CENPF: variants seen among roughly 807,000 people sequenced by gnomAD.
CENPF encodes the protein AH antigen.
Under a neutral mutation model 307.3 loss-of-function variants are expected in CENPF, and 214 were observed. That is an observed-to-expected ratio of 0.70 (90% CI 0.62 to 0.78). The LOEUF (loss-of-function observed/expected upper bound fraction) is 0.78. Among genes scored for constraint, CENPF ranks in the 30% least tolerant of loss-of-function variants. The pLI, the probability that CENPF is intolerant of heterozygous loss-of-function variation, is 0.00. For missense variants in CENPF, 3,401 were observed against 3,483.9 expected (o/e 0.98, Z 0.60); for synonymous variants, 1,259 against 1,270.6 (o/e 0.99, Z 0.19).
Position 214,630,679 on chromosome 1 carries a change from T to C in CENPF, c.1323+17T>C. 1.2e-6 allele frequency: 2 copies of C among 1,613,360 alleles called. No individual in the cohort carries two copies. Among genetic ancestry groups the C allele is most frequent in the Non-Finnish European group, 1.7e-6 (2 of 1,179,582 alleles). ...CTGGATAAAGTAGGGGCCGTGTCTCTCTCTCTCTCCTTAATCATCCCCTCT... is the reference window on the plus strand; with the variant it reads ...CTGGATAAAGTAGGGGCCGTGTCTCCCTCTCTCTCCTTAATCATCCCCTCT... On this transcript the variant is annotated intron_variant, in intron 9 of 19. Transcript: ENST00000366955.
chr1:214,615,765 C>T (rs964350226), intron 3 of CENPF, among the ~76,000 whole-genome samples: 1 of 151,986 alleles, frequency 6.6e-6, no homozygotes, highest in African/African-American at 2.4e-5. Context: ...ATGGTGAAAC[C>T]CCCTCTCTAC....
intron 13 of CENPF, chr1:214,647,858 A>C: frequency 5.5e-6 from 2 of 360,998 alleles, no homozygotes; most frequent in South Asian, 4.2e-5. Flanking sequence ...AAAGATACTG[A>C]TAGATTTGTA....
chr1:214,643,215 C>T lies in CENPF; in HGVS notation c.4877C>T (p.Ala1626Val), dbSNP rs756765215. 2.1e-5 allele frequency: 33 copies of T among 1,602,876 alleles called. No individual in the cohort carries two copies. The highest frequency in any genetic ancestry group is 1.7e-4 in the Admixed American group (10 of 57,266). ...VTLEMESKLA[A>V]EKKQTEQLSL... is the part of the protein sequence containing the mutation. ...CTGGAGATGGAGTCCAAGTTGGCGG[C>T]AGAAAAGAAACAGACGGAACAACTG... The change falls in exon 12 of 20, where the codon GCA becomes GTA. Residue 1626 changes from alanine to valine, a missense_variant. Ala to Val is a moderately conservative substitution (Grantham distance 64). Transcript: ENST00000366955.
At chr1:214,628,904 T>C (rs1402702123) in intron 7 of CENPF, 142 bp from the exon 8 acceptor site, 2 of 561,916 alleles carry the variant, frequency 3.6e-6, no homozygotes, top group Admixed American at 3.9e-5. Flanking sequence ...TTAAGTGGGC[T>C]AATGCTTTAC....
At chr1:214,639,892 A>G (rs772872864) in intron 11 of CENPF, 29 bp from the exon 12 acceptor site, 8 of 1,445,304 alleles carry the variant, frequency 5.5e-6, no homozygotes, top group Non-Finnish European at 6.4e-6. Context: ...TATTACAAAC[A>G]TTGACGACTT....
At chr1:214,613,309 C>A in intron 1 of CENPF, 1 of 254,500 alleles carries the variant, frequency 3.9e-6, no homozygotes, top group Non-Finnish European at 7.9e-6. Context: ...AACTATGCCA[C>A]CTCCTACCTT....
At chr1:214,653,270 C>T (rs1658539389) in intron 16 of CENPF, among the ~76,000 whole-genome samples, 1 of 152,166 alleles carries the variant, frequency 6.6e-6, no homozygotes, top group African/African-American at 2.4e-5. Context: ...AGCCACACAG[C>T]AGATGAGGGC....
chr1:214,605,711 C>T (rs1403096955), intron 1 of CENPF: 26 of 1,592,468 alleles, frequency 1.6e-5, no homozygotes, highest in East Asian at 1.1e-4. Context: ...GGAGATGAAG[C>T]GACGCAGGCC....
intron 2 of CENPF, 52 bp downstream of exon 2, chr1:214,613,968 A>G: frequency 1.3e-6 from 2 of 1,482,488 alleles, no homozygotes; most frequent in Non-Finnish European, 1.8e-6. Flanking sequence ...TTGACAGAGA[A>G]GTGCTGGTAT....
rs1316260484 is a variant in CENPF, at chr1:214,644,653, G to A, written c.5083G>A (p.Asp1695Asn). ...AAAGCATGATGTTCATCAGATTTGT[G>A]ATAAAGATGCTCAGCAGGACCTCAA... is the stretch of plus-strand genomic sequence containing the variant. ...TPKHDVHQIC[D>N]KDAQQDLNLD... is the part of the protein sequence containing the mutation. The change falls in exon 13 of 20, where the codon GAT (aspartate) becomes AAT (asparagine). Residue 1695 changes from aspartate (D) to asparagine (N), a missense_variant. Coordinates refer to ENST00000366955, the MANE Select transcript of CENPF (RefSeq NM_016343.4). 1 of 1,613,944 alleles carries A rather than the reference G, an allele frequency of 6.2e-7. No homozygotes were observed. Among genetic ancestry groups the A allele is most frequent in the African/African-American group, 1.3e-5 (1 of 74,920 alleles).
At chr1:214,611,183 C>A (rs972907792) in intron 1 of CENPF, among the ~76,000 whole-genome samples, 19 of 152,036 alleles carry the variant, frequency 1.2e-4, no homozygotes, top group African/African-American at 4.4e-4. Flanking sequence ...GGTTCCATAT[C>A]AATTTTAAAA....
rs750592653 is a variant in CENPF at position 214,613,816 on chromosome 1, A to T, written c.62A>T (p.Gln21Leu). The change falls in exon 2 of 20, where the codon CAA becomes CTA. Residue 21 changes from glutamine to leucine, a missense_variant. Gln to Leu is a moderately radical substitution (Grantham distance 113). Coordinates refer to ENST00000366955, the MANE Select transcript of CENPF (RefSeq NM_016343.4). ...GLPTRALQKI[Q>L]ELEGQLDKLK... ...CCTACAAGAGCTCTTCAGAAAATTC[A>T]AGAGCTTGAAGGACAGCTTGACAAA... 1.2e-6 allele frequency: 2 copies of T among 1,613,756 alleles called. No homozygotes were observed. Among genetic ancestry groups the T allele is most frequent in the African/African-American group, 2.7e-5 (2 of 74,910 alleles).
intron 17 of CENPF, 68 bp from the exon 18 acceptor site, chr1:214,656,865 T>C: frequency 9.6e-7 from 1 of 1,038,044 alleles, no homozygotes; most frequent in Non-Finnish European, 1.4e-6. Context: ...GATTATCTGC[T>C]TCACGATGCC....
rs750398149 is a variant in CENPF, at chr1:214,640,614, A to G, written c.2276A>G (p.Glu759Gly). 1.2e-6 allele frequency: 2 copies of G among 1,614,178 alleles called. No homozygotes were observed. The highest frequency in any genetic ancestry group is 2.2e-5 in the South Asian group (2 of 91,080). ...CGGTGTTACCAAGACTTGCATGCCG[A>G]ATATGAGAGCCTCAGGGATCTGCTA... is the stretch of plus-strand genomic sequence containing the variant. ...KDRCYQDLHA[E>G]YESLRDLLKS... Residue 759 changes from glutamate to glycine, a missense_variant, in exon 12 of 20, where the codon GAA (glutamate) becomes GGA (glycine). Glu to Gly is a moderately conservative substitution (Grantham distance 98). Transcript: ENST00000366955.
At chr1:214,653,728 T>A (rs1314273719) in intron 16 of CENPF, 1 of 152,220 alleles carries the variant, frequency 6.6e-6, no homozygotes, top group Non-Finnish European at 1.5e-5. Flanking sequence ...AGGTACAAAT[T>A]TATTATGTTT....
At chr1:214,630,784 C>T in intron 9 of CENPF, 122 bp downstream of exon 9, 3 of 1,244,018 alleles carry the variant, frequency 2.4e-6, no homozygotes, top group African/African-American at 1.5e-5. Flanking sequence ...TTCACTTTCC[C>T]TATCAAAGTG....
chr1:214,632,223 G>A (rs1427094125), intron 9 of CENPF, among the ~76,000 whole-genome samples: 4 of 151,748 alleles, frequency 2.6e-5, no homozygotes, highest in Non-Finnish European at 4.4e-5. Flanking sequence ...TTTATTTTTT[G>A]TGGTTAAATC....
In CENPF at chr1:214,648,675, G is replaced by A; in HGVS notation, c.7831G>A (p.Val2611Ile). ...ATTCTAATGAAAGATGAAATTTCAG[G>A]TAAACAAAATGACTGCAAAGGAAAC... is the stretch of plus-strand genomic sequence containing the variant. ...KMDKMSFVEK[V>I]NKMTAKETEL... Residue 2611 changes from valine to isoleucine, a missense_variant and splice_region_variant, in exon 14 of 20, where the codon GTA becomes ATA. By Grantham distance (29) the Val-to-Ile change is conservative. Transcript: ENST00000366955. The A allele has an allele frequency of 6.2e-7, 1 of 1,611,548 alleles. No individual in the cohort carries two copies. Among genetic ancestry groups the A allele is most frequent in the Non-Finnish European group, 8.5e-7 (1 of 1,179,286 alleles).
intron 1 of CENPF, among the ~76,000 whole-genome samples, chr1:214,604,396 T>C (rs2102520304): frequency 6.6e-6 from 1 of 152,316 alleles, no homozygotes; most frequent in African/African-American, 2.4e-5. Flanking sequence ...GGGTTTATTT[T>C]TTTGTTCTTT....
Sources: allele counts gnomAD v4.1 joint callset (sites outside exome capture counted in the v4.1 genomes callset), GRCh38; gene constraint gnomAD v4.1.1; transcripts MANE v1.5; gene names NCBI Gene and HGNC (gene_info 2026-07-23, HGNC 2026-07-21).